The following IL34 variants were observed in gnomAD, a reference collection of about 807,000 sequenced individuals.
IL34 encodes the protein interleukin-34.
IL34 carries 17 observed loss-of-function variants against 25.3 expected under a neutral mutation model. The ratio of observed to expected loss-of-function variants is 0.67; its 90% confidence interval spans 0.46 to 1.01. IL34 has a LOEUF of 1.01. Among genes scored for constraint, IL34 ranks in the 50% least tolerant of loss-of-function variants. The pLI is 0.00. For missense variants in IL34, 368 were observed against 312.9 expected (o/e 1.18, Z -1.33); for synonymous variants, 174 against 140.9 (o/e 1.23, Z -1.66).
chr16:70,636,698 G>A (rs565366664), intron 1 of IL34, among the ~76,000 whole-genome samples: 1 of 151,926 alleles, frequency 6.6e-6, no homozygotes, highest in African/African-American at 2.4e-5. Flanking sequence ...GAGCCCAGGA[G>A]TTCGAGGCTG....
intron 1 of IL34, among the ~76,000 whole-genome samples, chr16:70,637,498 A>T (rs1597766193): frequency 6.6e-6 from 1 of 150,516 alleles, no homozygotes; most frequent in East Asian, 2.0e-4. Context: ...GGCATACACC[A>T]TCAGGCCCGG....
chr16:70,629,673 C>T (rs2051473954), intron 1 of IL34, among the ~76,000 whole-genome samples: 1 of 151,302 alleles, frequency 6.6e-6, no homozygotes. Flanking sequence ...AGTACAGAAA[C>T]AATCATTGTA....
intron 1 of IL34, among the ~76,000 whole-genome samples, chr16:70,628,468 T>TA: frequency 1.4e-5 from 2 of 146,880 alleles, no homozygotes; most frequent in African/African-American, 5.4e-5. Flanking sequence ...TGTGGGTTTG[T>TA]TTTTATTTAT....
intron 1 of IL34, among the ~76,000 whole-genome samples, chr16:70,583,136 G>A (rs148045343): frequency 0.014 from 2,073 of 151,942 alleles, 52 homozygotes; most frequent in African/African-American, 0.045. Flanking sequence ...TTTTTGAGAC[G>A]GAGTCTTGCT....
chr16:70,654,272 G>A (rs1010661050), intron 1 of IL34: 129 of 315,716 alleles, frequency 4.1e-4, no homozygotes, highest in Middle Eastern at 1.7e-3. Context: ...ACCAGACGTC[G>A]ACCCTGAGGC....
At chr16:70,599,676 CT>C (rs199683652) in intron 1 of IL34, among the ~76,000 whole-genome samples, 447 of 137,056 alleles carry the variant, frequency 3.3e-3, no homozygotes, top group Middle Eastern at 3.8e-3. Flanking sequence ...TGCACCCGGT[CT>C]TTTTTTTTTT....
intron 4 of IL34, among the ~76,000 whole-genome samples, chr16:70,659,278 G>C (rs978236803): frequency 2.6e-5 from 4 of 152,222 alleles, no homozygotes; most frequent in African/African-American, 9.6e-5. Flanking sequence ...TTGAGGGACA[G>C]TTTTCCCCAG....
intron 1 of IL34, among the ~76,000 whole-genome samples, chr16:70,622,703 A>T (rs1031945603): frequency 2.6e-5 from 4 of 152,212 alleles, no homozygotes; most frequent in African/African-American, 9.6e-5. Flanking sequence ...GCCAGGAACA[A>T]TGGTAATTGT....
intron 1 of IL34, among the ~76,000 whole-genome samples, chr16:70,649,733 A>T (rs563490223): frequency 6.6e-6 from 1 of 152,324 alleles, no homozygotes; most frequent in African/African-American, 2.4e-5. Flanking sequence ...CCAGGAAGGG[A>T]GTACCGTACT....
intron 1 of IL34, among the ~76,000 whole-genome samples, chr16:70,613,006 C>A (rs2051113546): frequency 6.6e-6 from 1 of 152,162 alleles, no homozygotes; most frequent in Admixed American, 6.5e-5. Flanking sequence ...CTCCTGACCT[C>A]AAATGATCTG....
chr16:70,584,863 G>A (rs2050673673), intron 1 of IL34, among the ~76,000 whole-genome samples: 1 of 152,030 alleles, frequency 6.6e-6, no homozygotes, highest in South Asian at 2.1e-4. Context: ...ACCACGCCCG[G>A]CTAATTTTTG....
At chr16:70,632,968 T>C (rs1489647707) in intron 1 of IL34, among the ~76,000 whole-genome samples, 1 of 144,590 alleles carries the variant, frequency 6.9e-6, no homozygotes, top group East Asian at 2.0e-4. Context: ...ATGTGTCTTA[T>C]CAGGACATAT....
intron 1 of IL34, among the ~76,000 whole-genome samples, chr16:70,638,780 C>T (rs926914503): frequency 1.3e-5 from 2 of 152,096 alleles, no homozygotes; most frequent in Non-Finnish European, 2.9e-5. Flanking sequence ...TTAGGTCTCT[C>T]TATGTTGCCC....
At chr16:70,655,970 G>A (rs1019864779) in intron 2 of IL34, among the ~76,000 whole-genome samples, 4 of 152,202 alleles carry the variant, frequency 2.6e-5, no homozygotes, top group African/African-American at 9.7e-5. Flanking sequence ...AACTCAAAGA[G>A]TTTTTAGTTC....
intron 1 of IL34, among the ~76,000 whole-genome samples, chr16:70,617,518 C>T (rs2051192025): frequency 6.6e-6 from 1 of 152,084 alleles, no homozygotes; most frequent in Non-Finnish European, 1.5e-5. Flanking sequence ...GGTCTGGTGT[C>T]TGGAATGAGA....
intron 1 of IL34, among the ~76,000 whole-genome samples, chr16:70,629,529 A>C (rs949500448): frequency 1.3e-5 from 2 of 152,190 alleles, no homozygotes; most frequent in African/African-American, 2.4e-5. Context: ...CATATAACCT[A>C]CTTACACCCT....
Position 70,584,340 on chromosome 16 carries a change from C to T in IL34, c.-401+4291C>T, listed in dbSNP as rs183262280. The stretch of plus-strand genomic sequence containing the variant: ...CCTGGACAGCTCCGTCTGTGCATCC[C>T]AGCACGCCTGGAAAACAGCCAGGCT... On this transcript the variant is annotated intron_variant, in intron 1 of 6. Coordinates refer to the IL34 transcript ENST00000429149. Among the ~76,000 whole-genome samples the T allele has an allele frequency of 1.5e-3, 233 of 152,338 alleles. 3 individuals carry two copies. Among genetic ancestry groups the T allele is most frequent in the Non-Finnish European group, 1.6e-4 (11 of 68,026 alleles).
intron 1 of IL34, among the ~76,000 whole-genome samples, chr16:70,583,400 C>A (rs2050656774): frequency 6.6e-6 from 1 of 152,122 alleles, no homozygotes; most frequent in Non-Finnish European, 1.5e-5. Flanking sequence ...CCGCACCTGG[C>A]AATGATGAGA....
chr16:70,599,618 G>A (rs1435935278), intron 1 of IL34, among the ~76,000 whole-genome samples: 1 of 149,680 alleles, frequency 6.7e-6, no homozygotes, highest in African/African-American at 2.5e-5. Flanking sequence ...TCAGGTGATC[G>A]CCCGCCTCGG....
Sources: allele counts gnomAD v4.1 joint callset (sites outside exome capture counted in the v4.1 genomes callset), GRCh38; gene constraint gnomAD v4.1.1; transcripts MANE v1.5; gene names NCBI Gene and HGNC (gene_info 2026-07-23, HGNC 2026-07-21).